Variants in CLCNKB observed in about 807,000 individuals in gnomAD.
CLCNKB encodes chloride channel protein ClC-Kb.
A neutral mutation model predicts 83.8 loss-of-function variants in CLCNKB; 74 were observed. That is an observed-to-expected ratio of 0.88 (90% CI 0.73 to 1.07). The LOEUF is 1.07. Among genes scored for constraint, CLCNKB ranks in the 50% least tolerant of loss-of-function variants. CLCNKB has a pLI of 0.00. For missense variants in CLCNKB, 798 were observed against 893.6 expected, an observed-to-expected ratio of 0.89 and a Z score of 1.36; for synonymous variants, 358 against 356.6, an observed-to-expected ratio of 1.00 and a Z score of -0.04.
At position 16,056,372 on chromosome 1, in the gene CLCNKB, T is replaced by C. The variant is rs781024231; in HGVS notation, c.1930-50T>C. The C allele has an allele frequency of 3.2e-6, 5 of 1,573,788 alleles. No individual in the cohort carries two copies. The South Asian group carries it at 5.5e-5, about 17-fold the overall frequency. On this transcript the variant is annotated intron_variant, in intron 18 of 19. Coordinates refer to ENST00000375679, the MANE Select transcript of CLCNKB (RefSeq NM_000085.5). Reference sequence around the variant, plus strand: ...AGGCGTGGTGGAGTGGGCTAGAGGGTGGGCTGGGCACCTTCTACCCTCCAG... The same window carrying C: ...AGGCGTGGTGGAGTGGGCTAGAGGGCGGGCTGGGCACCTTCTACCCTCCAG...
rs113373694 is a variant in CLCNKB, at chr1:16,045,785, G to GC, written c.229+99_229+100insC. On this transcript the variant is annotated intron_variant, in intron 3 of 19. Coordinates refer to ENST00000375679, the MANE Select transcript of CLCNKB (RefSeq NM_000085.5). The stretch of plus-strand genomic sequence containing the variant: ...CGCCAGGTGCAGCGGAGGTTGGGGG[G>GC]GGTGCTCTGGGTGGGGATCTGGTCC... 7,657 of 1,188,536 alleles carry GC rather than the reference G, an allele frequency of 6.4e-3. 514 individuals carry two copies. In the African/African-American group the frequency reaches 0.1, roughly 16 times the overall value. 73.6% of individuals were successfully genotyped at this position (1,188,536 alleles called of 1,614,324 possible). A position where few individuals can be genotyped will look rare whatever the true frequency, so the allele number is the denominator to read the frequency against.
At chr1:16,048,821 T>G (rs2023186669) in intron 7 of CLCNKB, 1 of 1,443,300 alleles carries the variant, frequency 6.9e-7, no homozygotes, top group Non-Finnish European at 9.1e-7. Flanking sequence ...GAAATCCACG[T>G]ATGACCCTGG....
chr1:16,047,636 G>A (rs1181166550), intron 4 of CLCNKB, among the ~76,000 whole-genome samples: 1 of 152,022 alleles, frequency 6.6e-6, no homozygotes, highest in Non-Finnish European at 1.5e-5. Context: ...GGGCGAAGTG[G>A]TCTCCACCTA....
At chr1:16,055,654 G>C (rs1326669979) in intron 17 of CLCNKB, 21 bp from the exon 18 acceptor site, 1 of 1,613,238 alleles carries the variant, frequency 6.2e-7, no homozygotes, top group Non-Finnish European at 8.5e-7. Flanking sequence ...CCCTGCACCT[G>C]TAACCCTTCC....
intron 2 of CLCNKB, 26 bp from the exon 3 acceptor site, chr1:16,045,532 T>G (rs745575993): frequency 1.9e-6 from 3 of 1,611,092 alleles, no homozygotes; most frequent in Admixed American, 1.7e-5. Context: ...CCCCACCCTG[T>G]GCCGTGACCC....
chr1:16,044,433 T>C (rs746902905), intron 1 of CLCNKB, 53 bp from the exon 2 acceptor site: 34 of 1,448,490 alleles, frequency 2.3e-5, no homozygotes, highest in African/African-American at 5.6e-5. Flanking sequence ...CTAGAGGCAG[T>C]GCGAGGACGT....
Position 16,045,599 on chromosome 1 carries a change from G to T in CLCNKB, c.142G>T (p.Glu48Ter). Residue 48 changes from glutamate (E) to a stop codon, truncating the protein, a stop_gained, in exon 3 of 20, where the codon GAG becomes TAG. Coordinates refer to ENST00000375679, the MANE Select transcript of CLCNKB (RefSeq NM_000085.5). LOFTEE classifies it high-confidence loss of function. Reference protein sequence around the residue: ...WLKQKLFRLGEDWYFLMTLGV... With the variant: ...WLKQKLFRLG ...GAAGCAGAAGCTCTTCCGCCTGGGC[G>T]AGGACTGGTACTTCCTGATGACCCT... 1 of 1,614,040 alleles carries T rather than the reference G, an allele frequency of 6.2e-7. No homozygotes were observed. The highest frequency in any genetic ancestry group is 1.1e-5 in the South Asian group (1 of 91,084).
chr1:16,048,878 T>C (rs2023188504), intron 7 of CLCNKB: 1 of 1,442,374 alleles, frequency 6.9e-7, no homozygotes, highest in African/African-American at 1.4e-5. Context: ...AAAATGGAGA[T>C]CGCAACCGTC....
intron 15 of CLCNKB, among the ~76,000 whole-genome samples, chr1:16,052,630 C>T (rs1317568268): frequency 6.6e-6 from 1 of 152,204 alleles, no homozygotes; most frequent in African/African-American, 2.4e-5. Flanking sequence ...GTCAGCTGGG[C>T]TTCACAGCAG....
At chr1:16,044,369 A>ACACACACACATG in intron 1 of CLCNKB, 117 bp from the exon 2 acceptor site, 1 of 778,214 alleles carries the variant, frequency 1.3e-6, no homozygotes, top group Non-Finnish European at 2.2e-6. Flanking sequence ...ACACACACAC[A>ACACACACACATG]CACACACACG....
Position 16,046,643 on chromosome 1 carries a change from G to A in CLCNKB, c.338G>A (p.Ser113Asn). The A allele has an allele frequency of 6.2e-7, 1 of 1,614,120 alleles. No individual in the cohort carries two copies. The highest frequency in any genetic ancestry group is 8.5e-7 in the Non-Finnish European group (1 of 1,180,008). ...LVSFSSGFSQSITPSSGGSGI... is the reference protein window; with the variant it reads ...LVSFSSGFSQNITPSSGGSGI... ...TCTTTCTCTTCAGGCTTCTCTCAGAGCATCACACCCTCCTCTGGAGGTGAG... is the reference window on the plus strand; with the variant it reads ...TCTTTCTCTTCAGGCTTCTCTCAGAACATCACACCCTCCTCTGGAGGTGAG... Residue 113 changes from serine (S) to asparagine (N), a missense_variant, in exon 4 of 20, where the codon AGC becomes AAC. Physicochemically the swap from Ser to Asn is conservative, Grantham distance 46. Coordinates refer to ENST00000375679, the MANE Select transcript of CLCNKB (RefSeq NM_000085.5).
Sources: allele counts gnomAD v4.1 joint callset (sites outside exome capture counted in the v4.1 genomes callset), GRCh38; gene constraint gnomAD v4.1.1; transcripts MANE v1.5; gene names NCBI Gene and HGNC (gene_info 2026-07-23, HGNC 2026-07-21).